Variants in TMEM178B observed in about 807,000 individuals in gnomAD.
TMEM178B encodes transmembrane protein 178B.
A neutral mutation model predicts 31.0 loss-of-function variants in TMEM178B; 5 were observed. That is an observed-to-expected ratio of 0.16 (90% CI 0.08 to 0.34). The LOEUF is 0.34. Among genes scored for constraint, TMEM178B ranks in the 10% least tolerant of loss-of-function variants. The pLI is 1.00. For synonymous variants in TMEM178B, 164 were observed against 164.0 expected (o/e 1.00, Z 0.00); for missense variants, 275 against 400.3 (o/e 0.69, Z 2.67).
intron 1 of TMEM178B, among the ~76,000 whole-genome samples, chr7:141,198,490 T>C (rs868704706): frequency 2.0e-5 from 3 of 152,248 alleles, no homozygotes; most frequent in African/African-American, 7.2e-5. Context: ...CTTCTCTTTG[T>C]CCCTTTCCTT....
rs554087735 is a variant in TMEM178B at position 141,405,490 on chromosome 7, A to G, written c.497-32118A>G. On this transcript the variant is annotated intron_variant, in intron 2 of 3. Transcript: ENST00000565468. ...GTTTCCTAACTTAAGGAGGAGAAAA[A>G]CACACTCCCAGCTATCTCCCAGGCT... 2.0e-5 allele frequency among the ~76,000 whole-genome samples: 3 copies of G among 152,322 alleles called. No individual in the cohort carries two copies. In the East Asian group the frequency reaches 5.8e-4, roughly 29 times the overall value.
At chr7:141,280,021 G>A (rs1798329839) in intron 2 of TMEM178B, among the ~76,000 whole-genome samples, 1 of 152,254 alleles carries the variant, frequency 6.6e-6, no homozygotes, top group South Asian at 2.1e-4. Flanking sequence ...AGGGGCAAGG[G>A]TAGGGTAAGT....
intron 1 of TMEM178B, among the ~76,000 whole-genome samples, chr7:141,110,611 G>T (rs1378349844): frequency 6.6e-6 from 1 of 152,174 alleles, no homozygotes; most frequent in African/African-American, 2.4e-5. Flanking sequence ...TCAGGGTAAT[G>T]CCTGGCACAT....
chr7:141,398,727 G>A (rs1800700778), intron 2 of TMEM178B, among the ~76,000 whole-genome samples: 1 of 152,186 alleles, frequency 6.6e-6, no homozygotes, highest in African/African-American at 2.4e-5. Context: ...CTGTGGGAGG[G>A]CTTCAGCAAG....
chr7:141,246,840 G>A (rs1797738884), intron 2 of TMEM178B, among the ~76,000 whole-genome samples: 1 of 152,158 alleles, frequency 6.6e-6, no homozygotes, highest in African/African-American at 2.4e-5. Context: ...CTACGGGGCT[G>A]CTGTAGGATC....
At chr7:141,098,916 T>A (rs1404141061) in intron 1 of TMEM178B, among the ~76,000 whole-genome samples, 1 of 152,234 alleles carries the variant, frequency 6.6e-6, no homozygotes, top group Non-Finnish European at 1.5e-5. Flanking sequence ...TTTACCCTTT[T>A]AATAATCTGT....
chr7:141,152,431 C>T (rs1351838070), intron 1 of TMEM178B, among the ~76,000 whole-genome samples: 1 of 152,156 alleles, frequency 6.6e-6, no homozygotes, highest in Non-Finnish European at 1.5e-5. Context: ...ACCTCAAAGA[C>T]AGTGATCACC....
chr7:141,098,974 AAAACAAAC>A (rs201052116), intron 1 of TMEM178B, among the ~76,000 whole-genome samples: 35 of 152,262 alleles, frequency 2.3e-4, no homozygotes, highest in South Asian at 4.2e-4. Context: ...AACCCAAAAC[AAAACAAAC>A]AAACAAACAA....
At chr7:141,383,412 C>T (rs545961707) in intron 2 of TMEM178B, among the ~76,000 whole-genome samples, 3 of 149,412 alleles carry the variant, frequency 2.0e-5, no homozygotes, top group Non-Finnish European at 3.0e-5. Context: ...TGTTCCCCTT[C>T]CTGTGTCCAA....
Position 141,074,640 on chromosome 7 carries a change from G to A in TMEM178B, c.330G>A (p.Arg110=), listed in dbSNP as rs1480133321. 1.3e-6 allele frequency: 2 copies of A among 1,526,082 alleles called. No individual in the cohort carries two copies. The highest frequency in any genetic ancestry group is 1.8e-6 in the Non-Finnish European group (2 of 1,139,056). 94.5% of individuals were successfully genotyped at this position (1,526,082 alleles called of 1,614,324 possible). A position where few individuals can be genotyped will look rare whatever the true frequency, so the allele number is the denominator to read the frequency against. The part of the protein sequence containing the change: ...QYNSTNMGLW[R]KCHRQGFDPE... ...ACTCCACCAACATGGGCCTCTGGAG[G>A]AAGTGCCACCGGCAGGGCTTCGACC... Residue 110 remains arginine, a synonymous_variant, in exon 1 of 4, where the codon AGG becomes AGA. Transcript: ENST00000565468. This position sits in a 1 kb window ranked among gnomAD's most constrained non-coding sequence, Gnocchi z 5.1.
chr7:141,207,232 G>T (rs1796981296), intron 1 of TMEM178B, among the ~76,000 whole-genome samples: 1 of 152,120 alleles, frequency 6.6e-6, no homozygotes. Flanking sequence ...GTATGTTTTG[G>T]CTATTGTGAA....
At chr7:141,089,074 A>C (rs1015337678) in intron 1 of TMEM178B, among the ~76,000 whole-genome samples, 6 of 152,260 alleles carry the variant, frequency 3.9e-5, no homozygotes, top group African/African-American at 1.4e-4. Flanking sequence ...TAAAAAGGTG[A>C]GTAGGAAATA....
chr7:141,089,587 A>G (rs927361984), intron 1 of TMEM178B, among the ~76,000 whole-genome samples: 4 of 152,236 alleles, frequency 2.6e-5, no homozygotes, highest in Non-Finnish European at 4.4e-5. Context: ...ACTATTCACA[A>G]TAGCAAAGAC....
chr7:141,137,996 A>G (rs574893955), intron 1 of TMEM178B, among the ~76,000 whole-genome samples: 2 of 152,250 alleles, frequency 1.3e-5, no homozygotes, highest in East Asian at 3.9e-4. Context: ...CCTAAAATGC[A>G]TATTAGTAAA....
Position 141,083,147 on chromosome 7 carries a change from C to T in TMEM178B, c.382+8455C>T, listed in dbSNP as rs1005413526. Reference sequence around the variant, plus strand: ...AGATGTTAGATGTTACAATCACAAGCGTCTATTTAGATGCAGATATGTTTG... The same window carrying T: ...AGATGTTAGATGTTACAATCACAAGTGTCTATTTAGATGCAGATATGTTTG... On this transcript the variant is annotated intron_variant, in intron 1 of 3. Transcript: ENST00000565468. Among the ~76,000 whole-genome samples the T allele has an allele frequency of 5.3e-5, 8 of 152,116 alleles. 1 individual carries two copies. The highest frequency in any genetic ancestry group is 1.3e-4 in the Admixed American group (2 of 15,270).
In TMEM178B at chr7:141,349,277, T is replaced by C. The variant is rs114302548; in HGVS notation, c.497-88331T>C. ...TGAGCTTGCTGGAATGTTCAGATTGTCAAAAGACACTATGTATATTTATAT... is the reference window on the plus strand; with the variant it reads ...TGAGCTTGCTGGAATGTTCAGATTGCCAAAAGACACTATGTATATTTATAT... On this transcript the variant is annotated intron_variant, in intron 2 of 3. Coordinates refer to ENST00000565468, the MANE Select transcript of TMEM178B (RefSeq NM_001195278.2). Among the ~76,000 whole-genome samples the C allele has an allele frequency of 5.9e-3, 896 of 152,294 alleles. 6 individuals carry two copies. Among genetic ancestry groups the C allele is most frequent in the African/African-American group, 0.021 (862 of 41,560 alleles).
intron 2 of TMEM178B, among the ~76,000 whole-genome samples, chr7:141,311,311 T>A (rs570296097): frequency 6.6e-6 from 1 of 152,344 alleles, no homozygotes; most frequent in Admixed American, 6.5e-5. Flanking sequence ...AATAAAGTTT[T>A]AAAAATGTCC....
chr7:141,393,658 G>A (rs1324656995), intron 2 of TMEM178B, among the ~76,000 whole-genome samples: 1 of 152,228 alleles, frequency 6.6e-6, no homozygotes, highest in Non-Finnish European at 1.5e-5. Context: ...AGACGACATT[G>A]TTAGAAATCT....
intron 1 of TMEM178B, among the ~76,000 whole-genome samples, chr7:141,106,411 CTAACTTTTAA>C (rs1795147484): frequency 6.6e-6 from 1 of 152,164 alleles, no homozygotes; most frequent in Non-Finnish European, 1.5e-5. Flanking sequence ...TAAAATGCAT[CTAACTTTTAA>C]AGTGAAAACA....
Sources: allele counts gnomAD v4.1 joint callset (sites outside exome capture counted in the v4.1 genomes callset), GRCh38; gene constraint gnomAD v4.1.1; non-coding constraint Gnocchi (gnomAD v3.1); transcripts MANE v1.5; gene names NCBI Gene and HGNC (gene_info 2026-07-23, HGNC 2026-07-21).